Variants in SFT2D1 observed in about 807,000 individuals in gnomAD.
SFT2D1 encodes SFT2 domain containing 1.
In SFT2D1, 24 loss-of-function variants were observed where a neutral mutation model predicts 28.1. That is an observed-to-expected ratio of 0.85 (90% CI 0.62 to 1.20). The LOEUF (loss-of-function observed/expected upper bound fraction) is 1.20, where lower values mean the gene tolerates loss of function less well. Ranked by LOEUF, SFT2D1 falls within the 50% of genes most tolerant of loss-of-function variation. SFT2D1 has a pLI of 0.00. For missense variants in SFT2D1, 181 were observed against 190.9 expected (o/e 0.95, Z 0.31); for synonymous variants, 82 against 73.7 (o/e 1.11, Z -0.58).
chr6:166,333,898 G>GCCAACAAA (rs1778596821), intron 1 of SFT2D1, among the ~76,000 whole-genome samples: 1 of 151,608 alleles, frequency 6.6e-6, no homozygotes, highest in Non-Finnish European at 1.5e-5. Flanking sequence ...CCTTCCTGCT[G>GCCAACAAA]CCACCAAACC....
chr6:166,335,317 A>T (rs1322121435), intron 1 of SFT2D1: 12 of 578,138 alleles, frequency 2.1e-5, no homozygotes, highest in Non-Finnish European at 4.0e-5. Context: ...GCTGTAATGG[A>T]TTTGGTAATG....
intron 1 of SFT2D1, chr6:166,334,504 G>C (rs1778609511): frequency 6.5e-6 from 1 of 154,590 alleles, no homozygotes; most frequent in Non-Finnish European, 1.4e-5. Flanking sequence ...GAGGTGGGAG[G>C]ATCACCTGAG....
intron 1 of SFT2D1, among the ~76,000 whole-genome samples, chr6:166,339,291 A>G (rs1361141773): frequency 6.6e-6 from 1 of 151,942 alleles, no homozygotes; most frequent in Non-Finnish European, 1.5e-5. Context: ...TGCCCTCCTC[A>G]CTGCCACTTC....
intron 4 of SFT2D1, 69 bp from the exon 5 acceptor site, chr6:166,326,236 T>C: frequency 7.7e-7 from 1 of 1,300,036 alleles, no homozygotes; most frequent in Non-Finnish European, 1.1e-6. Context: ...ATGCATAAAC[T>C]ATTCTGCATT....
At position 166,320,134 on chromosome 6, in the gene SFT2D1, T is replaced by C; in HGVS notation, c.*83A>G. 1.5e-6 allele frequency: 2 copies of C among 1,308,162 alleles called. No individual in the cohort carries two copies. The highest frequency in any genetic ancestry group is 2.2e-6 in the Non-Finnish European group (2 of 912,918). 81.0% of individuals were successfully genotyped at this position (1,308,162 alleles called of 1,614,324 possible). On this transcript the variant is annotated 3_prime_UTR_variant, in exon 8 of 8. Coordinates refer to ENST00000361731, the MANE Select transcript of SFT2D1 (RefSeq NM_145169.3). ...CTTCAACTGTCACGTCAGTTGTTCC[T>C]GGAGTGTTTTATGGGGAAAAGCAAA...
At chr6:166,320,317 A>T (rs1024039822) in intron 7 of SFT2D1, 61 bp from the exon 8 acceptor site, 1 of 1,400,724 alleles carries the variant, frequency 7.1e-7, no homozygotes, top group Non-Finnish European at 1.0e-6. Context: ...AAGTTGCGCA[A>T]AATGTTCCTG....
chr6:166,325,212 T>G (rs943318115), intron 5 of SFT2D1, among the ~76,000 whole-genome samples: 3 of 152,190 alleles, frequency 2.0e-5, no homozygotes, highest in Admixed American at 6.5e-5. Flanking sequence ...TATTCTTTTA[T>G]CATTAAGAAA....
intron 7 of SFT2D1, among the ~76,000 whole-genome samples, chr6:166,320,792 C>T (rs1248127285): frequency 6.6e-6 from 1 of 151,966 alleles, no homozygotes; most frequent in African/African-American, 2.4e-5. Context: ...GCTGGGATTA[C>T]AGGGATGAGC....
In SFT2D1 at chr6:166,324,668, C is replaced by A. The variant is rs1007655936; in HGVS notation, c.352-73G>T. 42 of 1,384,786 alleles carry A rather than the reference C, an allele frequency of 3.0e-5. No individual in the cohort carries two copies. The African/African-American group carries it at 5.4e-4, about 18-fold the overall frequency. The allele number at this position is 1,384,786 out of a possible 1,614,324, so 85.8% of individuals were successfully genotyped here. A position where few individuals can be genotyped will look rare whatever the true frequency, so the allele number is the denominator to read the frequency against. ...ACATCTTTCTCAATCAAACTTAATTCTTGTCTTTCAAAAATGTAGATGATG... is the reference window on the plus strand; with the variant it reads ...ACATCTTTCTCAATCAAACTTAATTATTGTCTTTCAAAAATGTAGATGATG... On this transcript the variant is annotated intron_variant, in intron 5 of 7. Transcript: ENST00000361731.
rs9459652 is a variant in SFT2D1 at position 166,323,245 on chromosome 6, C to T, written c.411-359G>A. The T allele has an allele frequency of 6.6e-3, 1,251 of 190,954 alleles. 5 individuals carry two copies. The highest frequency in any genetic ancestry group is 0.011 in the Non-Finnish European group (997 of 94,664). 11.8% of individuals were successfully genotyped at this position (190,954 alleles called of 1,614,324 possible). A position where few individuals can be genotyped will look rare whatever the true frequency, so the allele number is the denominator to read the frequency against. On this transcript the variant is annotated intron_variant, in intron 6 of 7. Coordinates refer to ENST00000361731, the MANE Select transcript of SFT2D1 (RefSeq NM_145169.3). ...TTAGGGATAAATCAATTATTAGTTA[C>T]AAATTAGGCAATAAAAGGCAAAATA...
intron 7 of SFT2D1, among the ~76,000 whole-genome samples, chr6:166,320,744 T>C (rs1335181441): frequency 6.6e-6 from 1 of 151,518 alleles, no homozygotes; most frequent in East Asian, 1.9e-4. Flanking sequence ...CTCAAACTCC[T>C]GCGCTCAAGC....
At chr6:166,333,534 T>C (rs529962500) in intron 1 of SFT2D1, among the ~76,000 whole-genome samples, 1 of 152,200 alleles carries the variant, frequency 6.6e-6, no homozygotes, top group Admixed American at 6.5e-5. Flanking sequence ...CATCCGGCCC[T>C]TCTCCGTTTT....
chr6:166,334,716 T>C, intron 1 of SFT2D1: 2 of 304,160 alleles, frequency 6.6e-6, no homozygotes, highest in South Asian at 3.6e-5. Flanking sequence ...GCTCGTGGAC[T>C]GTGTAGTCAT....
intron 4 of SFT2D1, among the ~76,000 whole-genome samples, chr6:166,327,483 T>G (rs1308010777): frequency 6.6e-6 from 1 of 152,216 alleles, no homozygotes; most frequent in Non-Finnish European, 1.5e-5. Flanking sequence ...GGAAGGCACC[T>G]TTAAAGATAC....
At chr6:166,339,122 C>T (rs1758459376) in intron 1 of SFT2D1, among the ~76,000 whole-genome samples, 1 of 152,090 alleles carries the variant, frequency 6.6e-6, no homozygotes, top group South Asian at 2.1e-4. Context: ...CATCTCATCT[C>T]CTACCCATCT....
At position 166,319,935 on chromosome 6, in the gene SFT2D1, T is replaced by C. The variant is rs765758309; in HGVS notation, c.*282A>G. The C allele has an allele frequency of 1.9e-5, 6 of 308,862 alleles. No homozygotes were observed. The highest frequency in any genetic ancestry group is 3.5e-5 in the Non-Finnish European group (6 of 170,024). The allele number at this position is 308,862 out of a possible 1,614,324, so 19.1% of individuals were successfully genotyped here. ...AAATATTCACATTTCAAAGCTGCTT[T>C]GAAAAGATTTAAAAATTGGCTAAAA... On this transcript the variant is annotated 3_prime_UTR_variant, in exon 8 of 8. Transcript: ENST00000361731.
At chr6:166,335,145 C>T in intron 1 of SFT2D1, 1 of 608,304 alleles carries the variant, frequency 1.6e-6, no homozygotes, top group Non-Finnish European at 3.1e-6. Flanking sequence ...GTGCTTTATC[C>T]AGCCAAAGAG....
rs762814450 is a variant in SFT2D1, at chr6:166,319,858, CA to C, written c.*358del. ...GTAAAAAAAATCTTAAAAATGCAGA[CA>C]TTTTTTAAAAGCAAAAAAGTTTAAT... On this transcript the variant is annotated 3_prime_UTR_variant, in exon 8 of 8. Coordinates refer to ENST00000361731, the MANE Select transcript of SFT2D1 (RefSeq NM_145169.3). The C allele has an allele frequency of 4.3e-5, 7 of 162,044 alleles. No homozygotes were observed. The highest frequency in any genetic ancestry group is 8.0e-5 in the Non-Finnish European group (6 of 75,112). The allele number at this position is 162,044 out of a possible 1,614,324, so 10.0% of individuals were successfully genotyped here.
intron 7 of SFT2D1, among the ~76,000 whole-genome samples, chr6:166,320,536 C>G (rs1335847786): frequency 6.6e-6 from 1 of 151,132 alleles, no homozygotes; most frequent in Non-Finnish European, 1.5e-5. Context: ...AATAACCTAA[C>G]AAAAGATCTA....
Sources: gnomAD v4.1 joint callset for allele counts (sites outside exome capture counted in the v4.1 genomes callset) on GRCh38, gnomAD v4.1.1 for gene constraint, MANE v1.5 for transcripts, NCBI Gene and HGNC (gene_info 2026-07-23, HGNC 2026-07-21) for gene names.